The following GARIN5A variants were observed in gnomAD, a reference collection of about 807,000 sequenced individuals.
GARIN5A encodes golgi associated RAB2 interactor 5A.
chr19:50,475,341 G>A, the GARIN5A span: 9 of 1,599,022 alleles, frequency 5.6e-6, no homozygotes, highest in South Asian at 1.1e-5. Flanking sequence ...AGTTGCAGGT[G>A]TCCGTTCTCC....
the GARIN5A span, among the ~76,000 whole-genome samples, chr19:50,471,914 A>ATATATATGTATGCATACATG: frequency 6.7e-6 from 1 of 149,066 alleles, no homozygotes; most frequent in South Asian, 2.1e-4. Context: ...GTATGTGTGT[A>ATATATATGTATGCATACATG]TATGTGTATA....
chr19:50,468,470 C>G, the GARIN5A span, among the ~76,000 whole-genome samples: 1 of 151,984 alleles, frequency 6.6e-6, no homozygotes, highest in Non-Finnish European at 1.5e-5. Flanking sequence ...GCCCCTCACA[C>G]GCAGCCTACT....
chr19:50,468,044 G>A, the GARIN5A span, among the ~76,000 whole-genome samples: 4 of 152,168 alleles, frequency 2.6e-5, no homozygotes, highest in East Asian at 1.9e-4. Context: ...CTCCAGACTC[G>A]AATATACAAC....
At chr19:50,472,284 T>C in the GARIN5A span, among the ~76,000 whole-genome samples, 1 of 151,744 alleles carries the variant, frequency 6.6e-6, no homozygotes, top group Non-Finnish European at 1.5e-5. Context: ...TATATACATG[T>C]ATGTGTGTAT....
the GARIN5A span, among the ~76,000 whole-genome samples, chr19:50,473,854 G>T: frequency 6.6e-6 from 1 of 152,122 alleles, no homozygotes; most frequent in Admixed American, 6.5e-5. Context: ...GGGCGTGGTG[G>T]CAGGCTCCTG....
At chr19:50,471,785 C>T in the GARIN5A span, among the ~76,000 whole-genome samples, 1 of 147,704 alleles carries the variant, frequency 6.8e-6, no homozygotes, top group Non-Finnish European at 1.5e-5. Flanking sequence ...TGTGTGTATA[C>T]GCATACATGC....
chr19:50,476,394 T>A, the GARIN5A span: 1 of 1,552,778 alleles, frequency 6.4e-7, no homozygotes, highest in Non-Finnish European at 8.7e-7. Flanking sequence ...CCCATCCTGC[T>A]GACGTCAGGC....
chr19:50,475,560 G>A, the GARIN5A span: 2 of 1,133,906 alleles, frequency 1.8e-6, no homozygotes, highest in African/African-American at 1.5e-5. Context: ...TGAACCAGGT[G>A]AGTTGAAAAT....
chr19:50,468,567 T>A, the GARIN5A span, among the ~76,000 whole-genome samples: 1 of 151,670 alleles, frequency 6.6e-6, no homozygotes, highest in Non-Finnish European at 1.5e-5. Flanking sequence ...TCTCACACCC[T>A]GATGAGTCCT....
chr19:50,466,906 C>A, the GARIN5A span: 24 of 152,658 alleles, frequency 1.6e-4, no homozygotes, highest in Non-Finnish European at 2.8e-4. The surrounding 1 kb of genome is among the most constrained non-coding windows in gnomAD (Gnocchi z 4.9). Flanking sequence ...GACTCAGAGT[C>A]CCCAGAGTTC....
At chr19:50,476,687 G>C in the GARIN5A span, 2 of 1,403,694 alleles carry the variant, frequency 1.4e-6, no homozygotes, top group Admixed American at 5.0e-5. Flanking sequence ...TGCATAGCGG[G>C]CGCGGTCTAC....
the GARIN5A span, among the ~76,000 whole-genome samples, chr19:50,470,382 A>G: frequency 6.6e-6 from 1 of 152,052 alleles, no homozygotes; most frequent in East Asian, 1.9e-4. Context: ...GTGTGGTGGC[A>G]CATGCCAGTA....
At chr19:50,471,967 T>TATACATGTATGTGTGTATAC in the GARIN5A span, among the ~76,000 whole-genome samples, 64 of 151,472 alleles carry the variant, frequency 4.2e-4, no homozygotes, top group African/African-American at 1.5e-3. Flanking sequence ...TGTATGTATA[T>TATACATGTATGTGTGTATAC]ATACATGTAT....
At chr19:50,470,615 G>C in the GARIN5A span, among the ~76,000 whole-genome samples, 24 of 151,914 alleles carry the variant, frequency 1.6e-4, no homozygotes, top group African/African-American at 5.6e-4. Context: ...TGACGAGGGG[G>C]TGGGCGCAGG....
chr19:50,476,637 G>T, the GARIN5A span: 1 of 1,545,058 alleles, frequency 6.5e-7, no homozygotes, highest in South Asian at 1.2e-5. Flanking sequence ...GCGGCTGCCG[G>T]GCCGGGACTG....
chr19:50,468,189 C>T, the GARIN5A span, among the ~76,000 whole-genome samples: 1 of 151,936 alleles, frequency 6.6e-6, no homozygotes, highest in African/African-American at 2.4e-5. Flanking sequence ...GGTGGAACCC[C>T]ATCTCTACTA....
chr19:50,475,746 G>A, the GARIN5A span: 2 of 970,676 alleles, frequency 2.1e-6, no homozygotes, highest in Non-Finnish European at 3.3e-6. Flanking sequence ...CGAGATGGAC[G>A]TTATGGGGGA....
chr19:50,467,670 G>A, the GARIN5A span: 72 of 1,583,474 alleles, frequency 4.5e-5, no homozygotes, highest in Non-Finnish European at 6.0e-5. Flanking sequence ...GGAAGCGCAG[G>A]CGGTAGAGCA....
chr19:50,476,281 A>T, the GARIN5A span: 7 of 1,606,756 alleles, frequency 4.4e-6, no homozygotes, highest in Non-Finnish European at 5.1e-6. Context: ...CTGTGACGTC[A>T]TGATGCGGAG....
Sources: allele counts gnomAD v4.1 joint callset (sites outside exome capture counted in the v4.1 genomes callset), GRCh38; gene constraint gnomAD v4.1.1; non-coding constraint Gnocchi (gnomAD v3.1); transcripts MANE v1.5; gene names NCBI Gene and HGNC (gene_info 2026-07-23, HGNC 2026-07-21).